Variants in DNAH14 observed in about 807,000 individuals in gnomAD.
The protein encoded by DNAH14 is axonemal beta dynein heavy chain 14.
A neutral mutation model predicts 520.9 loss-of-function variants in DNAH14; 478 were observed. That is an observed-to-expected ratio of 0.92 (90% confidence interval 0.85 to 0.99). DNAH14 has a LOEUF of 0.99. DNAH14 is among the 50% of genes least tolerant of loss of function. The pLI is 0.00. For missense variants in DNAH14, 4,831 were observed against 5,234.5 expected (o/e 0.92, Z 2.38); for synonymous variants, 1,581 against 1,757.2 (o/e 0.90, Z 2.51).
chr1:225,364,265 G>A (rs565371832), intron 75 of DNAH14, among the ~76,000 whole-genome samples: 1 of 152,136 alleles, frequency 6.6e-6, no homozygotes, highest in Non-Finnish European at 1.5e-5. Context: ...GGTTTTTAAA[G>A]TTCATTGATA....
intron 43 of DNAH14, among the ~76,000 whole-genome samples, chr1:225,242,091 A>T (rs1030326674): frequency 6.6e-6 from 1 of 152,090 alleles, no homozygotes; most frequent in Middle Eastern, 3.2e-3. Context: ...ATAAAAAGCC[A>T]GGCATGGTTG....
In DNAH14 at chr1:225,381,489, G is replaced by C; in HGVS notation, c.12987G>C (p.Gln4329His). ...TACATAAATCCTTAAAAGATCTTCA[G>C]CTTGCTATAAAAGGAGAGATCATCC... The part of the protein sequence containing the change: ...FVIHKSLKDL[Q>H]LAIKGEIILT... The change falls in exon 81 of 86, where the codon CAG becomes CAC. Residue 4329 changes from glutamine (Q) to histidine (H), a missense_variant. Coordinates refer to ENST00000682510, the MANE Select transcript of DNAH14 (RefSeq NM_001367479.1). 6.5e-7 allele frequency: 1 copy of C among 1,549,546 alleles called. No homozygotes were observed. The highest frequency in any genetic ancestry group is 8.7e-7 in the Non-Finnish European group (1 of 1,146,414).
chr1:225,209,795 G>A (rs2088105212), intron 41 of DNAH14, among the ~76,000 whole-genome samples: 1 of 152,114 alleles, frequency 6.6e-6, no homozygotes, highest in Non-Finnish European at 1.5e-5. Flanking sequence ...TCCAACTGAG[G>A]TACCCAGCTC....
At chr1:225,007,570 A>G in intron 10 of DNAH14, 26 bp downstream of exon 10, 6 of 1,468,326 alleles carry the variant, frequency 4.1e-6, no homozygotes, top group Non-Finnish European at 5.4e-6. Context: ...TATCATATTT[A>G]TCAAAGTTGC....
Position 225,226,860 on chromosome 1 carries a change from CAT to C in DNAH14, c.6440-4212_6440-4211del, listed in dbSNP as rs372269904. ...GGTGGGGAGAGGGTTAGCAGGAAAACATGTGAGCAAAGGACTCTTTGTCATAA... is the reference window on the plus strand; with the variant it reads ...GGTGGGGAGAGGGTTAGCAGGAAAACGTGAGCAAAGGACTCTTTGTCATAA... On this transcript the variant is annotated intron_variant, in intron 41 of 85. Transcript: ENST00000682510. Among the ~76,000 whole-genome samples the C allele has an allele frequency of 4.9e-3, 751 of 152,208 alleles. 4 individuals are homozygous for C. Among genetic ancestry groups the C allele is most frequent in the African/African-American group, 0.017 (695 of 41,530 alleles).
intron 77 of DNAH14, among the ~76,000 whole-genome samples, chr1:225,372,987 C>T (rs757808557): frequency 6.7e-6 from 1 of 150,302 alleles, no homozygotes; most frequent in Non-Finnish European, 1.5e-5. Context: ...AAATGTACCG[C>T]CCATGAGACT....
chr1:225,244,613 C>T (rs1386281381), intron 43 of DNAH14, among the ~76,000 whole-genome samples: 1 of 152,098 alleles, frequency 6.6e-6, no homozygotes, highest in Non-Finnish European at 1.5e-5. Context: ...TTATCCTTTT[C>T]TTCTAGATTT....
chr1:225,173,287 C>T (rs2082918614), intron 36 of DNAH14, among the ~76,000 whole-genome samples: 1 of 152,172 alleles, frequency 6.6e-6, no homozygotes, highest in African/African-American at 2.4e-5. Flanking sequence ...AGAGCTTCTG[C>T]ACAGCAAAAG....
At chr1:225,122,693 G>T (rs2077394515) in intron 26 of DNAH14, among the ~76,000 whole-genome samples, 1 of 152,132 alleles carries the variant, frequency 6.6e-6, no homozygotes, top group Admixed American at 6.6e-5. Flanking sequence ...AGAATCATTT[G>T]TAGTTGATGG....
chr1:225,388,600 GA>G, intron 82 of DNAH14, 109 bp downstream of exon 82: 1 of 611,606 alleles, frequency 1.6e-6, no homozygotes, highest in Non-Finnish European at 2.8e-6. Context: ...AGTAATGTGT[GA>G]ATTAAGCAAG....
At chr1:225,340,010 A>G (rs1332402258) in intron 68 of DNAH14, among the ~76,000 whole-genome samples, 1 of 151,978 alleles carries the variant, frequency 6.6e-6, no homozygotes, top group Non-Finnish European at 1.5e-5. Flanking sequence ...TTCAGACTTC[A>G]CCACCATACA....
At chr1:225,395,546 C>G (rs1319425584) in intron 84 of DNAH14, among the ~76,000 whole-genome samples, 9 of 148,310 alleles carry the variant, frequency 6.1e-5, no homozygotes, top group Admixed American at 2.0e-4. Context: ...GAGCAGAGAT[C>G]GCGCCACTGC....
chr1:225,168,640 C>G (rs535574822), intron 36 of DNAH14, among the ~76,000 whole-genome samples: 8 of 152,316 alleles, frequency 5.3e-5, no homozygotes, highest in African/African-American at 1.9e-4. Context: ...AGCAGGTAAA[C>G]AAAGCGGCCT....
intron 8 of DNAH14, among the ~76,000 whole-genome samples, chr1:224,998,303 C>G (rs1425323079): frequency 6.6e-6 from 1 of 151,856 alleles, no homozygotes; most frequent in Non-Finnish European, 1.5e-5. Flanking sequence ...ATCATAATTT[C>G]TTTCCTCTGT....
chr1:225,024,392 A>T, intron 11 of DNAH14: 1 of 400,934 alleles, frequency 2.5e-6, no homozygotes, highest in Non-Finnish European at 3.4e-6. Context: ...GTTAAAAACA[A>T]AGCATTTTTC....
At chr1:225,108,598 T>G (rs2076267354) in intron 23 of DNAH14, among the ~76,000 whole-genome samples, 1 of 152,186 alleles carries the variant, frequency 6.6e-6, no homozygotes, top group South Asian at 2.1e-4. Context: ...CCATGTATAT[T>G]CTATTAATAG....
intron 64 of DNAH14, among the ~76,000 whole-genome samples, chr1:225,326,524 T>C (rs533840980): frequency 2.1e-3 from 317 of 152,182 alleles, no homozygotes; most frequent in Middle Eastern, 0.01. Context: ...AGCAGGACCC[T>C]TTAGCAATCA....
intron 17 of DNAH14, among the ~76,000 whole-genome samples, chr1:225,074,982 A>G (rs1484065886): frequency 6.6e-6 from 1 of 152,186 alleles, no homozygotes; most frequent in Non-Finnish European, 1.5e-5. Flanking sequence ...ATGGGGGTCT[A>G]ACCTCCCACT....
intron 10 of DNAH14, among the ~76,000 whole-genome samples, chr1:225,011,831 A>T: frequency 1.8e-5 from 2 of 110,542 alleles, no homozygotes; most frequent in African/African-American, 3.7e-5. Flanking sequence ...CCTTATTTTG[A>T]GCCTATGTGT....
Sources: gnomAD v4.1 joint callset for allele counts (sites outside exome capture counted in the v4.1 genomes callset) on GRCh38, gnomAD v4.1.1 for gene constraint, MANE v1.5 for transcripts, NCBI Gene and HGNC (gene_info 2026-07-23, HGNC 2026-07-21) for gene names.